Variants in RBM48 observed in about 807,000 individuals in gnomAD.
RBM48 encodes the protein RNA-binding protein 48.
RBM48 carries 32 observed loss-of-function variants against 34.8 expected under a neutral mutation model. That is an observed-to-expected ratio of 0.92 (90% CI 0.69 to 1.23). The LOEUF (loss-of-function observed/expected upper bound fraction) is 1.23. Ranked by LOEUF, RBM48 falls within the 50% of genes most tolerant of loss-of-function variation. The probability of loss-of-function intolerance (pLI) is 0.00; values close to 1 mark genes in which losing one functional copy is unlikely to be tolerated. For missense variants in RBM48, 441 were observed against 447.2 expected, an observed-to-expected ratio of 0.99 and a Z score of 0.12; for synonymous variants, 151 against 156.2, an observed-to-expected ratio of 0.97 and a Z score of 0.25.
chr7:92,537,547 C>T lies in RBM48; in HGVS notation c.*610C>T, dbSNP rs951324026. The T allele has an allele frequency of 2.0e-5, 3 of 152,136 alleles. No individual in the cohort carries two copies. The highest frequency in any genetic ancestry group is 2.9e-5 in the Non-Finnish European group (2 of 68,026). The allele number at this position is 152,136 out of a possible 1,614,324, so 9.4% of individuals were successfully genotyped here. A position where few individuals can be genotyped will look rare whatever the true frequency, so the allele number is the denominator to read the frequency against. ...AATTATAATACAAGTATTGAATGAA[C>T]CATTGAAACACTAGAAGTCAGGATG... On this transcript the variant is annotated 3_prime_UTR_variant, in exon 5 of 5. Transcript: ENST00000265732.
At position 92,528,894 on chromosome 7, in the gene RBM48, T is replaced by C; in HGVS notation, c.81T>C (p.Tyr27=). The change falls in exon 1 of 5, where the codon TAT becomes TAC. Residue 27 remains tyrosine, a synonymous_variant. Coordinates refer to ENST00000265732, the MANE Select transcript of RBM48 (RefSeq NM_032120.4). ...QRAVCDTRAK[Y]REGRRPRAVK... is the part of the protein sequence containing the mutation. ...CGGTATGCGACACACGGGCCAAATA[T>C]CGAGAGGGACGACGGCCTCGTGCTG... 1 of 1,614,034 alleles carries C rather than the reference T, an allele frequency of 6.2e-7. No individual in the cohort carries two copies. Among genetic ancestry groups the C allele is most frequent in the African/African-American group, 1.3e-5 (1 of 75,012 alleles).
chr7:92,532,390 G>T lies in RBM48; in HGVS notation c.303-14G>T. 1 of 1,595,084 alleles carries T rather than the reference G, an allele frequency of 6.3e-7. No individual in the cohort carries two copies. The highest frequency in any genetic ancestry group is 8.5e-7 in the Non-Finnish European group (1 of 1,172,344). ...CTAGATTAAAAAACTATGCTATCTT[G>T]TATTTCCATTCAGGACAGCCAAGAG... is the stretch of plus-strand genomic sequence containing the variant. On this transcript the variant is annotated splice_polypyrimidine_tract_variant and intron_variant, in intron 2 of 4. Transcript: ENST00000265732.
chr7:92,536,753 G>C (rs562242774), intron 4 of RBM48, 98 bp from the exon 5 acceptor site: 3 of 1,408,032 alleles, frequency 2.1e-6, no homozygotes, highest in Non-Finnish European at 2.8e-6. Context: ...TGACATCAAG[G>C]ATTGAACTAT....
Position 92,529,594 on chromosome 7 carries a change from C to T in RBM48, c.230C>T (p.Ala77Val). The part of the protein sequence containing the change: ...ALYGAIEQYN[A>V]LDEYPAEDFT... Reference sequence around the variant, plus strand: ...TATGGTGCAATTGAACAGTACAATGCTCTAGATGAATACCCAGCAGAAGAC... The same window carrying T: ...TATGGTGCAATTGAACAGTACAATGTTCTAGATGAATACCCAGCAGAAGAC... The change falls in exon 2 of 5, where the codon GCT (alanine) becomes GTT (valine). Residue 77 changes from alanine (A) to valine (V), a missense_variant. Physicochemically the swap from Ala to Val is moderately conservative, Grantham distance 64. Coordinates refer to ENST00000265732, the MANE Select transcript of RBM48 (RefSeq NM_032120.4). The T allele has an allele frequency of 1.2e-6, 2 of 1,610,632 alleles. No individual in the cohort carries two copies. The highest frequency in any genetic ancestry group is 1.7e-6 in the Non-Finnish European group (2 of 1,177,280).
intron 3 of RBM48, 123 bp from the exon 4 acceptor site, chr7:92,534,279 T>G (rs1322981170): frequency 7.4e-7 from 1 of 1,358,046 alleles, no homozygotes. Flanking sequence ...AAGAAATGAT[T>G]TTTTTGGAGT....
Position 92,536,259 on chromosome 7 carries a change from A to T in RBM48, c.1018-592A>T, listed in dbSNP as rs566457726. On this transcript the variant is annotated intron_variant, in intron 4 of 4. Coordinates refer to ENST00000265732, the MANE Select transcript of RBM48 (RefSeq NM_032120.4). ...ATTACATTTTCAAGATAAACGTGTGAAGTCCAAATTCTAGGTCCAGAAATA... is the reference window on the plus strand; with the variant it reads ...ATTACATTTTCAAGATAAACGTGTGTAGTCCAAATTCTAGGTCCAGAAATA... The T allele has an allele frequency of 2.9e-4, 283 of 983,298 alleles. 1 individual carries two copies. In the African/African-American group the frequency reaches 4.6e-3, roughly 16 times the overall value. The allele number at this position is 983,298 out of a possible 1,614,324, so 60.9% of individuals were successfully genotyped here. A position where few individuals can be genotyped will look rare whatever the true frequency, so the allele number is the denominator to read the frequency against.
rs759656762 is a variant in RBM48 at position 92,529,596 on chromosome 7, C to G, written c.232C>G (p.Leu78Val). The change falls in exon 2 of 5, where the codon CTA becomes GTA. Residue 78 changes from leucine (L) to valine (V), a missense_variant. Leu to Val is a conservative substitution (Grantham distance 32). Coordinates refer to ENST00000265732, the MANE Select transcript of RBM48 (RefSeq NM_032120.4). ...TGGTGCAATTGAACAGTACAATGCT[C>G]TAGATGAATACCCAGCAGAAGACTT... ...LYGAIEQYNA[L>V]DEYPAEDFTE... The G allele has an allele frequency of 6.2e-7, 1 of 1,609,728 alleles. No homozygotes were observed. The highest frequency in any genetic ancestry group is 8.5e-7 in the Non-Finnish European group (1 of 1,176,942).
At chr7:92,532,951 A>G (rs1793612688) in intron 3 of RBM48, among the ~76,000 whole-genome samples, 1 of 152,258 alleles carries the variant, frequency 6.6e-6, no homozygotes, top group South Asian at 2.1e-4. Flanking sequence ...AAAGTGGGTA[A>G]GAAGTGAATC....
rs779652872 is a variant in RBM48 at position 92,529,579 on chromosome 7, T to C, written c.215T>C (p.Ile72Thr). Residue 72 changes from isoleucine to threonine, a missense_variant, in exon 2 of 5, where the codon ATT (isoleucine) becomes ACT (threonine). Transcript: ENST00000265732. ...GAGCGATTCGCTTTATATGGTGCAA[T>C]TGAACAGTACAATGCTCTAGATGAA... is the stretch of plus-strand genomic sequence containing the variant. ...LVERFALYGA[I>T]EQYNALDEYP... 1.9e-6 allele frequency: 3 copies of C among 1,610,982 alleles called. No homozygotes were observed. Among genetic ancestry groups the C allele is most frequent in the Admixed American group, 1.7e-5 (1 of 59,982 alleles).
Position 92,537,066 on chromosome 7 carries a change from A to G in RBM48, c.*129A>G, listed in dbSNP as rs1466044523. ...GCACTCCTCTTTGTAATTTCATTCA[A>G]GCCATTTGTCTAAAGTCATTTCTTT... On this transcript the variant is annotated 3_prime_UTR_variant, in exon 5 of 5. Coordinates refer to ENST00000265732, the MANE Select transcript of RBM48 (RefSeq NM_032120.4). 7.4e-6 allele frequency: 5 copies of G among 673,332 alleles called. No homozygotes were observed. Among genetic ancestry groups the G allele is most frequent in the African/African-American group, 3.7e-5 (2 of 53,478 alleles). The allele number at this position is 673,332 out of a possible 1,614,324, so 41.7% of individuals were successfully genotyped here.
intron 2 of RBM48, among the ~76,000 whole-genome samples, chr7:92,531,217 T>G (rs1194660954): frequency 6.6e-6 from 1 of 152,232 alleles, no homozygotes; most frequent in Non-Finnish European, 1.5e-5. Flanking sequence ...ACCTATCTAC[T>G]TCTTGGGGTT....
chr7:92,531,317 C>T (rs1013051864), intron 2 of RBM48, among the ~76,000 whole-genome samples: 6 of 152,192 alleles, frequency 3.9e-5, no homozygotes, highest in Admixed American at 3.9e-4. Flanking sequence ...ACTGTTACTC[C>T]TTTCTGCAAA....
At chr7:92,535,415 G>T (rs938181235) in intron 4 of RBM48, 8 of 1,018,690 alleles carry the variant, frequency 7.9e-6, no homozygotes, top group Non-Finnish European at 9.4e-6. Context: ...AGCAATAGAA[G>T]GTGGTGAGAT....
At chr7:92,529,772 G>A (rs897050216) in intron 2 of RBM48, 106 bp downstream of exon 2, 30 of 642,324 alleles carry the variant, frequency 4.7e-5, no homozygotes, top group Non-Finnish European at 6.3e-5. Flanking sequence ...ACCCCAAAAC[G>A]TAATCTAGCA....
chr7:92,529,607 C>A lies in RBM48; in HGVS notation c.243C>A (p.Tyr81Ter). The A allele has an allele frequency of 5.6e-6, 9 of 1,610,072 alleles. No individual in the cohort carries two copies. Among genetic ancestry groups the A allele is most frequent in the Non-Finnish European group, 6.8e-6 (8 of 1,177,178 alleles). Residue 81 changes from tyrosine to a stop codon, truncating the protein, a stop_gained, in exon 2 of 5, where the codon TAC (tyrosine) becomes TAA (stop). Transcript: ENST00000265732. LOFTEE classifies it high-confidence loss of function. The stretch of plus-strand genomic sequence containing the variant: ...AACAGTACAATGCTCTAGATGAATA[C>A]CCAGCAGAAGACTTTACTGAAGTTT... ...AIEQYNALDE[Y>*]PAEDFTEVYL...
At position 92,536,882 on chromosome 7, in the gene RBM48, A is replaced by C; in HGVS notation, c.1049A>C (p.Asp350Ala). ...VISSVPKPPEDKPEDVHTSHP... is the reference protein window; with the variant it reads ...VISSVPKPPEAKPEDVHTSHP... ...TCATCTGTGCCAAAGCCTCCAGAGG[A>C]CAAGCCAGAAGATGTACATACAAGT... Residue 350 changes from aspartate to alanine, a missense_variant, in exon 5 of 5, where the codon GAC becomes GCC. Asp to Ala is a moderately radical substitution (Grantham distance 126). Coordinates refer to ENST00000265732, the MANE Select transcript of RBM48 (RefSeq NM_032120.4). 6.2e-7 allele frequency: 1 copy of C among 1,608,254 alleles called. No individual in the cohort carries two copies. Among genetic ancestry groups the C allele is most frequent in the Non-Finnish European group, 8.5e-7 (1 of 1,177,960 alleles).
chr7:92,534,579 A>C lies in RBM48; in HGVS notation c.626A>C (p.Lys209Thr), dbSNP rs772363255. 1.2e-6 allele frequency: 2 copies of C among 1,614,112 alleles called. No homozygotes were observed. The highest frequency in any genetic ancestry group is 4.5e-5 in the East Asian group (2 of 44,884). ...TTGCCTTTATGTTATTTCTCCTCAAAATGTATGTGTTCATCCGGGGGACCT... is the reference window on the plus strand; with the variant it reads ...TTGCCTTTATGTTATTTCTCCTCAACATGTATGTGTTCATCCGGGGGACCT... ...CELPLCYFSS[K>T]CMCSSGGPVD... Residue 209 changes from lysine (K) to threonine (T), a missense_variant, in exon 4 of 5, where the codon AAA (lysine) becomes ACA (threonine). Physicochemically the swap from Lys to Thr is moderately conservative, Grantham distance 78. Transcript: ENST00000265732.
Position 92,534,681 on chromosome 7 carries a change from C to G in RBM48, c.728C>G (p.Ser243Cys), listed in dbSNP as rs753935591. The change falls in exon 4 of 5, where the codon TCT (serine) becomes TGT (cysteine). Residue 243 changes from serine to cysteine, a missense_variant. Physicochemically the swap from Ser to Cys is moderately radical, Grantham distance 112. Transcript: ENST00000265732. Reference sequence around the variant, plus strand: ...ATGGGGCATTATAACCACAATGACTCTTTGCGGAAAACACAGATAAACTCT... The same window carrying G: ...ATGGGGCATTATAACCACAATGACTGTTTGCGGAAAACACAGATAAACTCT... ...KTMGHYNHND[S>C]LRKTQINSLK... 6.2e-7 allele frequency: 1 copy of G among 1,614,056 alleles called. No homozygotes were observed. Among genetic ancestry groups the G allele is most frequent in the Non-Finnish European group, 8.5e-7 (1 of 1,180,046 alleles).
chr7:92,537,306 G>A lies in RBM48; in HGVS notation c.*369G>A, dbSNP rs12536387. On this transcript the variant is annotated 3_prime_UTR_variant, in exon 5 of 5. Coordinates refer to ENST00000265732, the MANE Select transcript of RBM48 (RefSeq NM_032120.4). Reference sequence around the variant, plus strand: ...TCACCATATTGGTCAGGCTGGTCTCGAACTCCTGACCTTGTGATACACCTG... The same window carrying A: ...TCACCATATTGGTCAGGCTGGTCTCAAACTCCTGACCTTGTGATACACCTG... The A allele has an allele frequency of 1.5e-3, 233 of 157,366 alleles. 3 individuals carry two copies. The highest frequency in any genetic ancestry group is 0.012 in the Admixed American group (184 of 15,588). 9.7% of individuals were successfully genotyped at this position (157,366 alleles called of 1,614,324 possible). A position where few individuals can be genotyped will look rare whatever the true frequency, so the allele number is the denominator to read the frequency against.
Sources: allele counts gnomAD v4.1 joint callset (sites outside exome capture counted in the v4.1 genomes callset), GRCh38; gene constraint gnomAD v4.1.1; transcripts MANE v1.5; gene names NCBI Gene and HGNC (gene_info 2026-07-23, HGNC 2026-07-21).